The following TBC1D22B variants were observed in gnomAD, a reference collection of about 807,000 sequenced individuals.
TBC1D22B encodes the protein chromosome 6 open reading frame 197.
In TBC1D22B, 32 loss-of-function variants were observed where a neutral mutation model predicts 69.1. The observed-to-expected ratio is 0.46, with a 90% confidence interval of 0.35 to 0.62. The LOEUF is 0.62. Ranked by LOEUF, TBC1D22B falls within the 20% of genes least tolerant of loss-of-function variation. The pLI is 0.00. For synonymous variants in TBC1D22B, 206 were observed against 229.8 expected (o/e 0.90, Z 0.94); for missense variants, 462 against 630.9 (o/e 0.73, Z 2.87).
At chr6:37,316,666 C>A (rs775797679) in intron 10 of TBC1D22B, 37 bp from the exon 11 acceptor site, 1 of 1,613,506 alleles carries the variant, frequency 6.2e-7, no homozygotes, top group African/African-American at 1.3e-5. Context: ...AGGGTCCAGT[C>A]CCCTAGGTTG....
At chr6:37,285,315 C>CAT (rs1766969240) in intron 6 of TBC1D22B, among the ~76,000 whole-genome samples, 2 of 73,562 alleles carry the variant, frequency 2.7e-5, no homozygotes, top group East Asian at 4.9e-4. Context: ...TCCTTCCCCA[C>CAT]TTTTTTTTTT....
At chr6:37,310,357 T>C (rs1214657157) in intron 8 of TBC1D22B, among the ~76,000 whole-genome samples, 1 of 151,842 alleles carries the variant, frequency 6.6e-6, no homozygotes, top group Non-Finnish European at 1.5e-5. Flanking sequence ...AAATGATATT[T>C]CTTGGAAGAA....
chr6:37,292,528 G>A (rs892043035), intron 8 of TBC1D22B, among the ~76,000 whole-genome samples: 2 of 152,120 alleles, frequency 1.3e-5, no homozygotes, highest in African/African-American at 2.4e-5. Context: ...TAATTCTGCT[G>A]TGTGTTGTAT....
chr6:37,279,610 T>C lies in TBC1D22B; in HGVS notation c.420T>C (p.Ser140=), dbSNP rs1414301266. Reference sequence around the variant, plus strand: ...GTGATGCCCAGCTGTCCAGAAACTCTAGTAAGTCCTTCCTGCTCCCTTCAT... The same window carrying C: ...GTGATGCCCAGCTGTCCAGAAACTCCAGTAAGTCCTTCCTGCTCCCTTCAT... ...SSSDAQLSRN[S]SDTCLRNPLH... The change falls in exon 3 of 13, where the codon TCT becomes TCC. Residue 140 remains serine (S), a splice_region_variant and synonymous_variant. Transcript: ENST00000373491. 3.1e-6 allele frequency: 5 copies of C among 1,607,234 alleles called. No homozygotes were observed. Among genetic ancestry groups the C allele is most frequent in the Non-Finnish European group, 4.3e-6 (5 of 1,175,922 alleles).
Position 37,287,102 on chromosome 6 carries a change from C to G in TBC1D22B, c.867+30C>G, listed in dbSNP as rs753471338. Reference sequence around the variant, plus strand: ...GGGAATTACTTAATGTTCTTTGGCGCTTCTCCCCGCATAGTTCTGTGGCAC... The same window carrying G: ...GGGAATTACTTAATGTTCTTTGGCGGTTCTCCCCGCATAGTTCTGTGGCAC... On this transcript the variant is annotated intron_variant, in intron 7 of 12. Coordinates refer to ENST00000373491, the MANE Select transcript of TBC1D22B (RefSeq NM_017772.4). The G allele has an allele frequency of 2.5e-6, 4 of 1,569,900 alleles. No homozygotes were observed. The South Asian group carries it at 4.7e-5, about 18-fold the overall frequency.
At position 37,279,656 on chromosome 6, in the gene TBC1D22B, C is replaced by T. The variant is rs372428662; in HGVS notation, c.421+45C>T. 8.7e-5 allele frequency: 134 copies of T among 1,536,188 alleles called. 1 individual carries two copies. Among genetic ancestry groups the T allele is most frequent in the African/African-American group, 4.2e-5 (3 of 71,856 alleles). The stretch of plus-strand genomic sequence containing the variant: ...TTCATAGCCTCAGCCTTCTCAGCAG[C>T]GTGCATTTTAAATAAAAGCGATTTT... On this transcript the variant is annotated intron_variant, in intron 3 of 12. Coordinates refer to ENST00000373491, the MANE Select transcript of TBC1D22B (RefSeq NM_017772.4).
intron 3 of TBC1D22B, 48 bp downstream of exon 3, chr6:37,279,659 G>C (rs1429393339): frequency 6.5e-7 from 1 of 1,534,994 alleles, no homozygotes; most frequent in Non-Finnish European, 8.7e-7. Flanking sequence ...TCAGCAGCGT[G>C]CATTTTAAAT....
At chr6:37,291,841 C>G (rs1209130268) in intron 8 of TBC1D22B, among the ~76,000 whole-genome samples, 1 of 152,188 alleles carries the variant, frequency 6.6e-6, no homozygotes, top group Non-Finnish European at 1.5e-5. Flanking sequence ...ACCTTGATTT[C>G]TCCCCACTCC....
At chr6:37,316,935 T>A (rs1768101840) in intron 11 of TBC1D22B, 105 bp downstream of exon 11, 26 of 1,572,552 alleles carry the variant, frequency 1.7e-5, no homozygotes, top group Non-Finnish European at 2.2e-5. Context: ...CTTCTCCTCT[T>A]TTCTACTTCC....
At chr6:37,260,683 C>T (rs1465081639) in intron 1 of TBC1D22B, among the ~76,000 whole-genome samples, 3 of 152,178 alleles carry the variant, frequency 2.0e-5, no homozygotes, top group Non-Finnish European at 4.4e-5. Context: ...TACTAACCTA[C>T]TTTCTGTTTC....
chr6:37,324,984 TAA>T (rs1768351591), intron 12 of TBC1D22B, among the ~76,000 whole-genome samples: 1 of 152,270 alleles, frequency 6.6e-6, no homozygotes, highest in Non-Finnish European at 1.5e-5. Context: ...TGTTATGTAA[TAA>T]GTGCTCAATA....
chr6:37,310,336 G>A (rs1201446445), intron 8 of TBC1D22B, among the ~76,000 whole-genome samples: 1 of 150,884 alleles, frequency 6.6e-6, no homozygotes, highest in Non-Finnish European at 1.5e-5. Flanking sequence ...AGAATAATAG[G>A]AATAAAAGAA....
chr6:37,264,706 T>C (rs973419555), intron 1 of TBC1D22B, among the ~76,000 whole-genome samples: 1 of 152,100 alleles, frequency 6.6e-6, no homozygotes, highest in African/African-American at 2.4e-5. Flanking sequence ...TAGTAGATGC[T>C]GGGGGTAGGG....
chr6:37,261,808 G>A (rs575948995), intron 1 of TBC1D22B, among the ~76,000 whole-genome samples: 34 of 152,062 alleles, frequency 2.2e-4, no homozygotes, highest in African/African-American at 7.7e-4. Flanking sequence ...GCTGAGACAG[G>A]TGGATCATTT....
chr6:37,313,054 A>G (rs367907027), intron 9 of TBC1D22B, 30 bp downstream of exon 9: 1 of 1,582,074 alleles, frequency 6.3e-7, no homozygotes, highest in African/African-American at 1.3e-5. Flanking sequence ...GTGGGAACAA[A>G]CGTCTAGGTC....
rs41272218 is a variant in TBC1D22B, at chr6:37,312,940, C to T, written c.1005C>T (p.Asp335=). The T allele has an allele frequency of 1.1e-3, 1,831 of 1,614,096 alleles. 1 individual carries two copies. The highest frequency in any genetic ancestry group is 1.5e-3 in the Non-Finnish European group (1,725 of 1,179,950). Residue 335 remains aspartate (D), a synonymous_variant, in exon 9 of 13, where the codon GAC becomes GAT. Coordinates refer to ENST00000373491, the MANE Select transcript of TBC1D22B (RefSeq NM_017772.4). The stretch of plus-strand genomic sequence containing the variant: ...CAGAAGAGGATGTGGAGAACTTTGA[C>T]GTGACCAACTTGTCTCAAGACATGC... ...EYVEEDVENF[D]VTNLSQDMLR... is the part of the protein sequence containing the mutation.
At chr6:37,323,472 A>G (rs77676467) in intron 12 of TBC1D22B, among the ~76,000 whole-genome samples, 2 of 152,186 alleles carry the variant, frequency 1.3e-5, no homozygotes, top group Non-Finnish European at 2.9e-5. Context: ...CGAGGCTGCA[A>G]TGAGCCATCA....
At chr6:37,283,080 T>A (rs1766887953) in intron 5 of TBC1D22B, 128 bp downstream of exon 5, 1 of 726,402 alleles carries the variant, frequency 1.4e-6, no homozygotes. Context: ...GACAGAACTA[T>A]GGGACTATAG....
At chr6:37,267,313 T>TATATATATACACACACATATATATA (rs1444451623) in intron 1 of TBC1D22B, among the ~76,000 whole-genome samples, 8 of 143,968 alleles carry the variant, frequency 5.6e-5, no homozygotes, top group South Asian at 4.2e-4. Flanking sequence ...CATACATATA[T>TATATATATACACACACATATATATA]ATATATATAT....
Sources: gnomAD v4.1 joint callset for allele counts (sites outside exome capture counted in the v4.1 genomes callset) on GRCh38, gnomAD v4.1.1 for gene constraint, MANE v1.5 for transcripts, NCBI Gene and HGNC (gene_info 2026-07-23, HGNC 2026-07-21) for gene names.